DPP10: variants seen among roughly 807,000 people sequenced by gnomAD.
DPP10 encodes the protein inactive dipeptidyl peptidase 10.
Under a neutral mutation model 120.9 loss-of-function variants are expected in DPP10, and 33 were observed. The observed-to-expected ratio is 0.27, with a 90% CI of 0.21 to 0.37. The LOEUF (loss-of-function observed/expected upper bound fraction) is 0.37, where lower values mean the gene tolerates loss of function less well. Ranked by LOEUF, DPP10 falls within the 10% of genes least tolerant of loss-of-function variation. The pLI, the probability that DPP10 is intolerant of heterozygous loss-of-function variation, is 1.00. For synonymous variants in DPP10, 337 were observed against 326.1 expected (o/e 1.03, Z -0.36); for missense variants, 816 against 942.8 (o/e 0.87, Z 1.76).
At chr2:115,181,950 G>A (rs942986517) in intron 1 of DPP10, among the ~76,000 whole-genome samples, 10 of 152,098 alleles carry the variant, frequency 6.6e-5, no homozygotes, top group African/African-American at 1.7e-4. Context: ...AACACATACC[G>A]TTAGCCATAA....
chr2:115,257,398 A>G (rs539278261), intron 1 of DPP10, among the ~76,000 whole-genome samples: 2 of 152,300 alleles, frequency 1.3e-5, no homozygotes, highest in South Asian at 4.1e-4. Flanking sequence ...GCTGGTATCT[A>G]CTTGGCTTCT....
intron 1 of DPP10, among the ~76,000 whole-genome samples, chr2:115,162,969 A>T (rs2052545309): frequency 6.6e-6 from 1 of 152,030 alleles, no homozygotes; most frequent in Admixed American, 6.6e-5. Context: ...AGGTGCGCTC[A>T]CGTTTGCATC....
intron 1 of DPP10, among the ~76,000 whole-genome samples, chr2:114,918,086 A>C (rs554293209): frequency 6.6e-6 from 1 of 152,286 alleles, no homozygotes; most frequent in South Asian, 2.1e-4. Context: ...TCTATAGAGA[A>C]CTTAAACAAA....
At chr2:115,161,612 G>T (rs1448059261) in intron 1 of DPP10, 1 of 196,950 alleles carries the variant, frequency 5.1e-6, no homozygotes. Flanking sequence ...AAGAAGGCAC[G>T]AGGCGTCGCC....
At chr2:114,720,326 T>C (rs529323217) in intron 1 of DPP10, among the ~76,000 whole-genome samples, 1 of 152,266 alleles carries the variant, frequency 6.6e-6, no homozygotes, top group Admixed American at 6.5e-5. Flanking sequence ...AAATAACTTA[T>C]TTTCTGTAAT....
In DPP10 at chr2:115,836,144, T is replaced by A. The variant is rs778322129; in HGVS notation, c.1951-13T>A. 801 of 1,366,414 alleles carry A rather than the reference T, an allele frequency of 5.9e-4. 3 individuals carry two copies. In the African/African-American group the frequency reaches 0.011, roughly 18 times the overall value. The allele number at this position is 1,366,414 out of a possible 1,614,324, so 84.6% of individuals were successfully genotyped here. A position where few individuals can be genotyped will look rare whatever the true frequency, so the allele number is the denominator to read the frequency against. ...GATATATATATATATATATATATAT[T>A]TTTCCCCCCCAGGGTTATGGTGGCT... On this transcript the variant is annotated splice_polypyrimidine_tract_variant and intron_variant, in intron 21 of 25. Coordinates refer to ENST00000410059, the MANE Select transcript of DPP10 (RefSeq NM_020868.6).
chr2:115,050,448 A>C (rs10203171), intron 1 of DPP10, among the ~76,000 whole-genome samples: 1 of 152,094 alleles, frequency 6.6e-6, no homozygotes, highest in Non-Finnish European at 1.5e-5. Flanking sequence ...GTCTCATAAC[A>C]TGGAACTCTC....
At chr2:115,015,375 C>G (rs765523838) in intron 1 of DPP10, among the ~76,000 whole-genome samples, 1 of 152,132 alleles carries the variant, frequency 6.6e-6, no homozygotes, top group African/African-American at 2.4e-5. Context: ...CTCTTTATGA[C>G]AAACCCACAG....
intron 3 of DPP10, among the ~76,000 whole-genome samples, chr2:115,379,959 A>G (rs1328927908): frequency 2.0e-5 from 3 of 151,906 alleles, no homozygotes; most frequent in Non-Finnish European, 4.4e-5. Context: ...TGCTGTGGAG[A>G]GCTTTACTTC....
intron 7 of DPP10, among the ~76,000 whole-genome samples, chr2:115,705,827 T>C (rs1335687575): frequency 6.6e-6 from 1 of 151,906 alleles, no homozygotes; most frequent in African/African-American, 2.4e-5. Context: ...CAATCTCCCT[T>C]ACCACATTGT....
chr2:115,134,308 T>C (rs1205767723), intron 1 of DPP10, among the ~76,000 whole-genome samples: 1 of 152,188 alleles, frequency 6.6e-6, no homozygotes, highest in Non-Finnish European at 1.5e-5. Flanking sequence ...GTCAGTAGCA[T>C]TACGTCAAAT....
At chr2:115,679,197 G>C (rs542914826) in intron 5 of DPP10, among the ~76,000 whole-genome samples, 4 of 152,154 alleles carry the variant, frequency 2.6e-5, no homozygotes, top group East Asian at 3.9e-4. Flanking sequence ...TGAGATGTGG[G>C]GGGGGTGCAT....
chr2:115,113,706 A>G (rs2104695648), intron 1 of DPP10, among the ~76,000 whole-genome samples: 1 of 152,146 alleles, frequency 6.6e-6, no homozygotes, highest in Non-Finnish European at 1.5e-5. Context: ...AGAATAATAA[A>G]CCCTTGAGAT....
In DPP10 at chr2:115,753,175, G is replaced by A; in HGVS notation, c.952G>A (p.Glu318Lys). The A allele has an allele frequency of 6.2e-7, 1 of 1,607,960 alleles. No homozygotes were observed. The highest frequency in any genetic ancestry group is 8.5e-7 in the Non-Finnish European group (1 of 1,176,394). Residue 318 changes from glutamate (E) to lysine (K), a missense_variant and splice_region_variant, in exon 11 of 26, where the codon GAA becomes AAA. Around this residue, in one of 3 missense-constraint regions of DPP10, gnomAD observed 592 missense variants for 649.0 expected, o/e 0.91. Coordinates refer to ENST00000410059, the MANE Select transcript of DPP10 (RefSeq NM_020868.6). ...ATTTTAATTTTGTTTCCAAACTAGA[G>A]AATACTATATCACTATGGTTAAATG... ...LMPPDSFKSREYYITMVKWVS... is the reference protein window; with the variant it reads ...LMPPDSFKSRKYYITMVKWVS...
chr2:115,644,315 C>T (rs368182099), intron 5 of DPP10, among the ~76,000 whole-genome samples: 4 of 152,218 alleles, frequency 2.6e-5, no homozygotes, highest in Admixed American at 6.5e-5. Flanking sequence ...CTCCCCCCTC[C>T]GCCCACTCCG....
intron 3 of DPP10, 52 bp from the exon 4 acceptor site, chr2:115,499,458 T>C (rs931397690): frequency 5.2e-5 from 75 of 1,429,862 alleles, no homozygotes; most frequent in South Asian, 1.2e-4. Flanking sequence ...CTACAGTTAC[T>C]ATATTATCTA....
chr2:115,184,594 A>G (rs140430370), intron 1 of DPP10, among the ~76,000 whole-genome samples: 429 of 152,346 alleles, frequency 2.8e-3, no homozygotes, highest in African/African-American at 9.1e-3. Flanking sequence ...AGGCAAAGCC[A>G]AGCCGGCTCT....
intron 3 of DPP10, among the ~76,000 whole-genome samples, chr2:115,435,275 T>C (rs540588594): frequency 2.6e-5 from 4 of 151,796 alleles, no homozygotes; most frequent in Non-Finnish European, 5.9e-5. Flanking sequence ...TTGTTTTTCA[T>C]AGTGGCTGTA....
rs552337890 is a variant in DPP10 at position 115,263,806 on chromosome 2, A to G, written c.61-45433A>G. Among the ~76,000 whole-genome samples the G allele has an allele frequency of 1.2e-4, 18 of 152,342 alleles. No homozygotes were observed. In the South Asian group the frequency reaches 3.1e-3, roughly 26 times the overall value. On this transcript the variant is annotated intron_variant, in intron 1 of 25. Coordinates refer to ENST00000410059, the MANE Select transcript of DPP10 (RefSeq NM_020868.6). ...TGCCTTCCTTATATACATGTTAGAT[A>G]GCGTTGCACTCTGAAACTGGATTTG...
Sources: allele counts gnomAD v4.1 joint callset (sites outside exome capture counted in the v4.1 genomes callset), GRCh38; gene constraint gnomAD v4.1.1; regional missense constraint gnomAD v4.1.1; transcripts MANE v1.5; gene names NCBI Gene and HGNC (gene_info 2026-07-23, HGNC 2026-07-21).